The following RBL1 variants were observed in gnomAD, a reference collection of about 807,000 sequenced individuals.
The protein encoded by RBL1 is retinoblastoma-like protein 1.
In RBL1, 82 loss-of-function variants were observed where a neutral mutation model predicts 123.0. The ratio of observed to expected loss-of-function variants is 0.67; its 90% CI spans 0.56 to 0.80. RBL1 has a LOEUF of 0.80. RBL1 is among the 30% of genes least tolerant of loss of function. The probability of loss-of-function intolerance (pLI) is 0.00; values close to 1 mark genes in which losing one functional copy is unlikely to be tolerated. For synonymous variants in RBL1, 405 were observed against 441.3 expected, an observed-to-expected ratio of 0.92 and a Z score of 1.03; for missense variants, 1,171 against 1,299.6, an observed-to-expected ratio of 0.90 and a Z score of 1.52.
chr20:37,043,858 A>G (rs1300821850), intron 13 of RBL1, among the ~76,000 whole-genome samples: 1 of 152,098 alleles, frequency 6.6e-6, no homozygotes, highest in Non-Finnish European at 1.5e-5. Flanking sequence ...GCTAGGGAGA[A>G]GATTCGGGGG....
At chr20:37,027,010 C>A (rs1275170) in intron 16 of RBL1, among the ~76,000 whole-genome samples, 145,767 of 149,142 alleles carry the variant, frequency 0.98, 71,239 homozygotes, top group Middle Eastern at 1. Context: ...TAAAAAAAAA[C>A]AACAAAAAAA....
At chr20:37,010,047 A>G (rs938442159) in intron 19 of RBL1, among the ~76,000 whole-genome samples, 7 of 151,592 alleles carry the variant, frequency 4.6e-5, no homozygotes, top group East Asian at 2.0e-4. Flanking sequence ...AAAACTGAAG[A>G]AAAAAAAGAC....
chr20:37,064,388 G>A (rs1385522382), intron 7 of RBL1, among the ~76,000 whole-genome samples: 2 of 151,882 alleles, frequency 1.3e-5, no homozygotes, highest in African/African-American at 2.4e-5. Flanking sequence ...TGCCTGCCTT[G>A]GCCTCCGAAA....
intron 2 of RBL1, among the ~76,000 whole-genome samples, chr20:37,070,104 T>G (rs1304809826): frequency 6.6e-6 from 1 of 152,338 alleles, no homozygotes; most frequent in East Asian, 1.9e-4. Context: ...CATGGGAGAC[T>G]TTTCATTTTG....
At chr20:37,056,371 T>C (rs1003726775) in intron 9 of RBL1, 113 bp from the exon 10 acceptor site, 50 of 1,230,152 alleles carry the variant, frequency 4.1e-5, no homozygotes, top group Non-Finnish European at 4.9e-5. Flanking sequence ...TTTTTTTTTT[T>C]TGAGACGGAG....
Position 37,062,077 on chromosome 20 carries a change from A to T in RBL1, c.1083+7T>A, listed in dbSNP as rs759240118. ...TTCAAGATTGAGGCCAGGCTAGGTT[A>T]TATTACTTTTTCAAAGTGCTGTTGA... is the stretch of plus-strand genomic sequence containing the variant. On this transcript the variant is annotated splice_region_variant and intron_variant, in intron 8 of 21. Coordinates refer to ENST00000373664, the MANE Select transcript of RBL1 (RefSeq NM_002895.5). 1.9e-6 allele frequency: 3 copies of T among 1,609,936 alleles called. No individual in the cohort carries two copies. In the African/African-American group the frequency reaches 4.0e-5, roughly 22 times the overall value.
intron 6 of RBL1, among the ~76,000 whole-genome samples, chr20:37,066,477 G>A (rs1451708020): frequency 6.6e-6 from 1 of 151,996 alleles, no homozygotes; most frequent in African/African-American, 2.4e-5. Flanking sequence ...TTCTTTATCA[G>A]TACCTCCTAC....
At chr20:37,002,723 ATTTTTTT>A (rs889969834) in intron 21 of RBL1, among the ~76,000 whole-genome samples, 58 of 125,194 alleles carry the variant, frequency 4.6e-4, no homozygotes, top group African/African-American at 1.7e-3. Context: ...GATTTTCAAC[ATTTTTTT>A]TTTTTGAGAC....
At chr20:37,050,175 A>G (rs2064885537) in intron 11 of RBL1, among the ~76,000 whole-genome samples, 1 of 152,194 alleles carries the variant, frequency 6.6e-6, no homozygotes, top group South Asian at 2.1e-4. Flanking sequence ...TTTAGAGAAC[A>G]TGAAAGAGAA....
intron 11 of RBL1, among the ~76,000 whole-genome samples, chr20:37,053,644 T>C (rs1236668283): frequency 6.6e-6 from 1 of 152,224 alleles, no homozygotes; most frequent in Non-Finnish European, 1.5e-5. Context: ...GGTGAGGTTT[T>C]TGTGACTAGA....
intron 16 of RBL1, among the ~76,000 whole-genome samples, chr20:37,030,293 C>T (rs1026480729): frequency 6.6e-6 from 1 of 152,210 alleles, no homozygotes; most frequent in Non-Finnish European, 1.5e-5. Flanking sequence ...CATATCTATG[C>T]TCAAGTGACT....
chr20:37,042,907 CAAA>C (rs1245245162), intron 13 of RBL1, among the ~76,000 whole-genome samples: 6 of 53,322 alleles, frequency 1.1e-4, no homozygotes, highest in East Asian at 3.5e-4. Context: ...CCCCCCCCTC[CAAA>C]AAAAAAAAAA....
chr20:37,005,877 C>CTTT (rs1240843484), intron 20 of RBL1, among the ~76,000 whole-genome samples: 2 of 106,314 alleles, frequency 1.9e-5, no homozygotes, highest in African/African-American at 4.3e-5. Context: ...GCCTTCTTTT[C>CTTT]TTTTTTTTTT....
chr20:37,024,092 T>C (rs2064385389), intron 16 of RBL1, among the ~76,000 whole-genome samples: 1 of 152,102 alleles, frequency 6.6e-6, no homozygotes, highest in African/African-American at 2.4e-5. Context: ...GCCCAAACTA[T>C]GTCTTTAAAT....
At chr20:37,051,974 G>A (rs1431771926) in intron 11 of RBL1, among the ~76,000 whole-genome samples, 1 of 151,624 alleles carries the variant, frequency 6.6e-6, no homozygotes, top group Non-Finnish European at 1.5e-5. Flanking sequence ...ATAAACATCA[G>A]GTAGATGCAA....
intron 6 of RBL1, 124 bp from the exon 7 acceptor site, chr20:37,065,597 T>C: frequency 1.6e-6 from 1 of 629,532 alleles, no homozygotes; most frequent in Non-Finnish European, 2.6e-6. Context: ...TATTAAATAT[T>C]TCTTTCAGAC....
rs142543435 is a variant in RBL1, at chr20:37,066,075, T to C, written c.847-602A>G. 4.6e-5 allele frequency among the ~76,000 whole-genome samples: 7 copies of C among 152,314 alleles called. No homozygotes were observed. The East Asian group carries it at 1.2e-3, about 25-fold the overall frequency. On this transcript the variant is annotated intron_variant, in intron 6 of 21. Coordinates refer to ENST00000373664, the MANE Select transcript of RBL1 (RefSeq NM_002895.5). The stretch of plus-strand genomic sequence containing the variant: ...AATTTATGCTTAAAGAAAAATCTCA[T>C]AATATTTGAAAAGTGGGATCCATAA...
chr20:37,012,904 G>A (rs1407998588), intron 19 of RBL1, among the ~76,000 whole-genome samples: 7 of 150,282 alleles, frequency 4.7e-5, no homozygotes, highest in South Asian at 2.1e-4. Context: ...CGCCCCGTCC[G>A]GGAGGGAGGT....
chr20:37,015,383 G>A (rs2064233107), intron 19 of RBL1, among the ~76,000 whole-genome samples: 1 of 151,676 alleles, frequency 6.6e-6, no homozygotes, highest in Non-Finnish European at 1.5e-5. Flanking sequence ...AAACCACCCT[G>A]GATAGGTAAG....
Sources: gnomAD v4.1 joint callset for allele counts (sites outside exome capture counted in the v4.1 genomes callset) on GRCh38, gnomAD v4.1.1 for gene constraint, MANE v1.5 for transcripts, NCBI Gene and HGNC (gene_info 2026-07-23, HGNC 2026-07-21) for gene names.